HIVEP2: variants seen among roughly 807,000 people sequenced by gnomAD.
HIVEP2 encodes HIVEP zinc finger 2, also known as transcription factor HIVEP2.
HIVEP2 carries 14 observed loss-of-function variants against 180.7 expected under a neutral mutation model. The observed-to-expected ratio is 0.08, with a 90% CI of 0.05 to 0.12. The LOEUF (loss-of-function observed/expected upper bound fraction) is 0.12, where lower values mean the gene tolerates loss of function less well. HIVEP2 is among the 10% of genes least tolerant of loss of function. The pLI, the probability that HIVEP2 is intolerant of heterozygous loss-of-function variation, is 1.00. For missense variants in HIVEP2, 2,579 were observed against 3,008.5 expected, an observed-to-expected ratio of 0.86 and a Z score of 3.34; for synonymous variants, 1,184 against 1,136.4, an observed-to-expected ratio of 1.04 and a Z score of -0.84.
At chr6:142,758,408 T>C (rs547116435) in intron 9 of HIVEP2, among the ~76,000 whole-genome samples, 7 of 152,206 alleles carry the variant, frequency 4.6e-5, no homozygotes, top group African/African-American at 1.7e-4. Flanking sequence ...TGGAAGGTGA[T>C]GAGAGGGAGA....
At chr6:142,758,273 G>T (rs1451368484) in intron 9 of HIVEP2, among the ~76,000 whole-genome samples, 1 of 152,174 alleles carries the variant, frequency 6.6e-6, no homozygotes, top group Non-Finnish European at 1.5e-5. Flanking sequence ...GTTTCTGCAG[G>T]AATTGCTTCA....
intron 1 of HIVEP2, among the ~76,000 whole-genome samples, chr6:142,904,433 A>C (rs1777213335): frequency 1.3e-5 from 2 of 152,300 alleles, no homozygotes; most frequent in South Asian, 4.1e-4. Flanking sequence ...GTTCATGTTG[A>C]ACAACAGGAC....
chr6:142,820,310 T>C (rs1466439668), intron 2 of HIVEP2, among the ~76,000 whole-genome samples: 1 of 151,898 alleles, frequency 6.6e-6, no homozygotes, highest in Non-Finnish European at 1.5e-5. Context: ...TCTCTCTCTC[T>C]CTCTCTCTCT....
chr6:142,782,494 T>A (rs891230519), intron 3 of HIVEP2, among the ~76,000 whole-genome samples: 2 of 152,274 alleles, frequency 1.3e-5, no homozygotes, highest in Admixed American at 1.3e-4. Context: ...AAAGACTTAT[T>A]TCCACAGGAT....
intron 1 of HIVEP2, among the ~76,000 whole-genome samples, chr6:142,852,646 C>T (rs1205366218): frequency 6.6e-6 from 1 of 152,172 alleles, no homozygotes; most frequent in Non-Finnish European, 1.5e-5. Flanking sequence ...TCTCAGGACA[C>T]CCTGAACCCA....
chr6:142,823,585 T>C (rs908984817), intron 2 of HIVEP2, among the ~76,000 whole-genome samples: 1 of 152,258 alleles, frequency 6.6e-6, no homozygotes, highest in Non-Finnish European at 1.5e-5. Flanking sequence ...ATAACAAGTG[T>C]AACCATGCCA....
intron 1 of HIVEP2, among the ~76,000 whole-genome samples, chr6:142,927,279 T>G (rs1777842683): frequency 6.6e-6 from 1 of 152,230 alleles, no homozygotes; most frequent in Non-Finnish European, 1.5e-5. Context: ...CCGGGCGCAC[T>G]TTCCTCAGCG....
intron 2 of HIVEP2, among the ~76,000 whole-genome samples, chr6:142,786,064 G>A (rs1775991250): frequency 6.6e-6 from 1 of 152,170 alleles, no homozygotes; most frequent in South Asian, 2.1e-4. Flanking sequence ...ATGGAGATAT[G>A]GAGATGCCAT....
intron 2 of HIVEP2, among the ~76,000 whole-genome samples, chr6:142,784,680 C>T (rs999290907): frequency 6.6e-6 from 1 of 152,122 alleles, no homozygotes; most frequent in Non-Finnish European, 1.5e-5. Flanking sequence ...TAAGCAAATG[C>T]TAGATTTATT....
intron 2 of HIVEP2, among the ~76,000 whole-genome samples, chr6:142,834,862 A>G (rs1203695813): frequency 2.0e-5 from 3 of 152,142 alleles, no homozygotes; most frequent in African/African-American, 7.2e-5. Context: ...ATTTGGGCTA[A>G]TGCACAGGGC....
chr6:142,872,513 G>A lies in HIVEP2; in HGVS notation c.-640-35466C>T, dbSNP rs142923418. Among the ~76,000 whole-genome samples the A allele has an allele frequency of 8.5e-5, 13 of 152,244 alleles. No individual in the cohort carries two copies. The East Asian group carries it at 2.3e-3, about 27-fold the overall frequency. On this transcript the variant is annotated intron_variant, in intron 1 of 9. Transcript: ENST00000367603. ...GCCATCTTTTTCTGCTCCAGCAAATGGTTGGAGCAAACCATACTATTAGGT... is the reference window on the plus strand; with the variant it reads ...GCCATCTTTTTCTGCTCCAGCAAATAGTTGGAGCAAACCATACTATTAGGT...
At chr6:142,927,618 A>G (rs983915126) in intron 1 of HIVEP2, among the ~76,000 whole-genome samples, 1 of 152,232 alleles carries the variant, frequency 6.6e-6, no homozygotes, top group Non-Finnish European at 1.5e-5. Context: ...CTCAACTAAT[A>G]CTTTTAACAA....
Position 142,770,881 on chromosome 6 carries a change from T to G in HIVEP2, c.3858A>C (p.Ser1286=), listed in dbSNP as rs779829870. 6.2e-7 allele frequency: 1 copy of G among 1,614,238 alleles called. No homozygotes were observed. Among genetic ancestry groups the G allele is most frequent in the Non-Finnish European group, 8.5e-7 (1 of 1,180,038 alleles). Residue 1286 remains serine (S), a synonymous_variant, in exon 5 of 10, where the codon TCA becomes TCC. Coordinates refer to ENST00000367603, the MANE Select transcript of HIVEP2 (RefSeq NM_006734.4). The surrounding 1 kb of genome is among the most constrained non-coding windows in gnomAD (Gnocchi z 4.7). ...GAAGAAGGTTCTTTGGGTGTAGCCC[T>G]GATGCTCCTGAATAACATGGGTAGG... The part of the protein sequence containing the change: ...EQTYPCYSGA[S]GLHPKNLLPK...
At chr6:142,879,162 A>G (rs1268852151) in intron 1 of HIVEP2, among the ~76,000 whole-genome samples, 7 of 152,164 alleles carry the variant, frequency 4.6e-5, no homozygotes, top group Admixed American at 3.9e-4. Flanking sequence ...TTTATACTGT[A>G]GGCAATGGGT....
chr6:142,915,663 T>G (rs1777533703), intron 1 of HIVEP2, among the ~76,000 whole-genome samples: 1 of 152,190 alleles, frequency 6.6e-6, no homozygotes, highest in South Asian at 2.1e-4. Flanking sequence ...CCTTTCTTAA[T>G]CTTGGTGGCA....
intron 1 of HIVEP2, among the ~76,000 whole-genome samples, chr6:142,858,330 T>G (rs1207460919): frequency 1.3e-5 from 2 of 151,546 alleles, no homozygotes; most frequent in Non-Finnish European, 2.9e-5. Flanking sequence ...TCCTTGCAGA[T>G]CCCCCCTCTC....
At chr6:142,807,644 T>C (rs1447144489) in intron 2 of HIVEP2, among the ~76,000 whole-genome samples, 1 of 152,128 alleles carries the variant, frequency 6.6e-6, no homozygotes, top group Admixed American at 6.5e-5. Context: ...AGTGTGTACA[T>C]GTAAATTAAA....
intron 6 of HIVEP2, among the ~76,000 whole-genome samples, chr6:142,767,859 T>C (rs1247397023): frequency 6.6e-6 from 1 of 152,030 alleles, no homozygotes; most frequent in Non-Finnish European, 1.5e-5. Context: ...GACAACTGAG[T>C]GCAATGTGGT....
At chr6:142,754,281 AG>A (rs1299718102) in intron 9 of HIVEP2, among the ~76,000 whole-genome samples, 2 of 151,534 alleles carry the variant, frequency 1.3e-5, no homozygotes, top group African/African-American at 2.4e-5. Context: ...AAAAAAAAAA[AG>A]TTTACTGAGC....
Sources: allele counts gnomAD v4.1 joint callset (sites outside exome capture counted in the v4.1 genomes callset), GRCh38; gene constraint gnomAD v4.1.1; non-coding constraint Gnocchi (gnomAD v3.1); transcripts MANE v1.5; gene names NCBI Gene and HGNC (gene_info 2026-07-23, HGNC 2026-07-21).